Variants in DOK5 observed in about 807,000 individuals in gnomAD.
DOK5 encodes docking protein 5.
A neutral mutation model predicts 43.3 loss-of-function variants in DOK5; 27 were observed. That is an observed-to-expected ratio of 0.62 (90% CI 0.46 to 0.86). DOK5 has a LOEUF of 0.86. Ranked by LOEUF, DOK5 falls within the 40% of genes least tolerant of loss-of-function variation. The pLI, the probability that DOK5 is intolerant of heterozygous loss-of-function variation, is 0.00. For missense variants in DOK5, 373 were observed against 392.9 expected, an observed-to-expected ratio of 0.95 and a Z score of 0.43; for synonymous variants, 146 against 140.1, an observed-to-expected ratio of 1.04 and a Z score of -0.30.
chr20:54,575,704 G>C (rs1416798573), intron 2 of DOK5, among the ~76,000 whole-genome samples: 1 of 152,218 alleles, frequency 6.6e-6, no homozygotes, highest in Non-Finnish European at 1.5e-5. Flanking sequence ...GCCTCCCAAG[G>C]TGCTGGGATT....
intron 1 of DOK5, among the ~76,000 whole-genome samples, chr20:54,540,801 G>A (rs1452836496): frequency 6.6e-6 from 1 of 152,120 alleles, no homozygotes; most frequent in African/African-American, 2.4e-5. Flanking sequence ...TGGAATTACA[G>A]ATGTGAGCCA....
At position 54,524,201 on chromosome 20, in the gene DOK5, A is replaced by G. The variant is rs140314754; in HGVS notation, c.67-30732A>G. Among the ~76,000 whole-genome samples, 6 of 152,092 alleles carry G rather than the reference A, an allele frequency of 3.9e-5. No homozygotes were observed. The South Asian group carries it at 6.2e-4, about 16-fold the overall frequency. On this transcript the variant is annotated intron_variant, in intron 1 of 7. Transcript: ENST00000262593. ...AAAGATTGTGCTGGGGAAGTCTGGGATTGGAGAAACAGAAGGGTGTTAATG... is the reference window on the plus strand; with the variant it reads ...AAAGATTGTGCTGGGGAAGTCTGGGGTTGGAGAAACAGAAGGGTGTTAATG...
intron 6 of DOK5, among the ~76,000 whole-genome samples, chr20:54,633,162 T>C (rs537839373): frequency 6.6e-6 from 1 of 152,338 alleles, no homozygotes; most frequent in Admixed American, 6.5e-5. Context: ...GGAATCTGCA[T>C]TTGAACAAAC....
chr20:54,598,372 G>A (rs1319148860), intron 5 of DOK5, among the ~76,000 whole-genome samples: 6 of 152,086 alleles, frequency 3.9e-5, no homozygotes, highest in East Asian at 1.9e-4. Flanking sequence ...GAAACCTCAC[G>A]GCACATCAGA....
intron 2 of DOK5, among the ~76,000 whole-genome samples, chr20:54,584,665 T>G (rs1016626162): frequency 1.3e-5 from 2 of 150,086 alleles, no homozygotes; most frequent in Non-Finnish European, 3.0e-5. Flanking sequence ...TATACTATAA[T>G]ATATATTTGT....
At chr20:54,598,961 T>C (rs1036888029) in intron 5 of DOK5, among the ~76,000 whole-genome samples, 1 of 152,234 alleles carries the variant, frequency 6.6e-6, no homozygotes, top group Non-Finnish European at 1.5e-5. Context: ...ACTCCTTTAA[T>C]TGGTGAGTTT....
intron 6 of DOK5, among the ~76,000 whole-genome samples, chr20:54,631,527 C>T (rs1423737506): frequency 1.3e-5 from 2 of 151,982 alleles, no homozygotes; most frequent in African/African-American, 4.8e-5. Context: ...AGAAAATATA[C>T]CAATATGTCA....
intron 1 of DOK5, among the ~76,000 whole-genome samples, chr20:54,527,756 A>G (rs1438604475): frequency 6.6e-6 from 1 of 152,192 alleles, no homozygotes; most frequent in East Asian, 1.9e-4. Flanking sequence ...AGGTTGGTGT[A>G]TCCTTGCAGT....
At chr20:54,488,589 T>C (rs1317817512) in intron 1 of DOK5, among the ~76,000 whole-genome samples, 2 of 152,182 alleles carry the variant, frequency 1.3e-5, no homozygotes. Context: ...ATGAACAAGA[T>C]AGCCAAGTCC....
chr20:54,595,003 A>T (rs1377240833), intron 5 of DOK5, among the ~76,000 whole-genome samples: 1 of 152,096 alleles, frequency 6.6e-6, no homozygotes, highest in Non-Finnish European at 1.5e-5. Flanking sequence ...TGTGTATGAG[A>T]TGTGTGTATA....
chr20:54,522,497 G>GTTTTCT (rs2011137901), intron 1 of DOK5, among the ~76,000 whole-genome samples: 2 of 151,178 alleles, frequency 1.3e-5, no homozygotes, highest in Non-Finnish European at 3.0e-5. Context: ...AAACAAAGTT[G>GTTTTCT]TTTTCTTTTT....
intron 1 of DOK5, among the ~76,000 whole-genome samples, chr20:54,493,084 G>T (rs1354627115): frequency 1.4e-5 from 2 of 144,122 alleles, no homozygotes; most frequent in South Asian, 2.1e-4. Context: ...AAAAAAAAGG[G>T]ATGTGTTTGT....
At chr20:54,545,787 A>G (rs1001490893) in intron 1 of DOK5, among the ~76,000 whole-genome samples, 14 of 151,688 alleles carry the variant, frequency 9.2e-5, no homozygotes, top group Non-Finnish European at 1.8e-4. Context: ...TTTCAGAAAA[A>G]CTCCCTTCAA....
intron 6 of DOK5, among the ~76,000 whole-genome samples, chr20:54,622,514 G>A (rs1022564560): frequency 3.3e-5 from 5 of 152,206 alleles, no homozygotes; most frequent in African/African-American, 9.6e-5. Context: ...GGAGCTGGGA[G>A]CTCCTGTCAC....
At chr20:54,478,205 A>G (rs1439184755) in intron 1 of DOK5, among the ~76,000 whole-genome samples, 1 of 152,208 alleles carries the variant, frequency 6.6e-6, no homozygotes, top group African/African-American at 2.4e-5. Context: ...TTCTTATGGT[A>G]TGATTTACAA....
chr20:54,542,794 A>AT lies in DOK5; in HGVS notation c.67-12134dup, dbSNP rs1275574556. On this transcript the variant is annotated intron_variant, in intron 1 of 7. Transcript: ENST00000262593. ...CTTATTAAGACGTTGATTTTTATTG[A>AT]TTTTTGCCCTAAAGGCATCAGGCAG... Among the ~76,000 whole-genome samples, 9 of 152,318 alleles carry AT rather than the reference A, an allele frequency of 5.9e-5. No homozygotes were observed. In the East Asian group the frequency reaches 1.7e-3, roughly 29 times the overall value.
At chr20:54,561,800 G>A (rs752717632) in intron 2 of DOK5, among the ~76,000 whole-genome samples, 20 of 152,160 alleles carry the variant, frequency 1.3e-4, no homozygotes, top group Non-Finnish European at 1.6e-4. Flanking sequence ...GGGATTATAG[G>A]CATGCGCCAC....
At chr20:54,540,355 T>C (rs1984110109) in intron 1 of DOK5, among the ~76,000 whole-genome samples, 1 of 152,094 alleles carries the variant, frequency 6.6e-6, no homozygotes, top group South Asian at 2.1e-4. Context: ...ACAGTGTCTG[T>C]CTTGTAATTG....
chr20:54,495,957 A>C (rs1982375088), intron 1 of DOK5, among the ~76,000 whole-genome samples: 1 of 152,232 alleles, frequency 6.6e-6, no homozygotes, highest in African/African-American at 2.4e-5. Flanking sequence ...ACAATTTTAC[A>C]CATAGGACTG....
Sources: gnomAD v4.1 joint callset for allele counts (sites outside exome capture counted in the v4.1 genomes callset) on GRCh38, gnomAD v4.1.1 for gene constraint, MANE v1.5 for transcripts, NCBI Gene and HGNC (gene_info 2026-07-23, HGNC 2026-07-21) for gene names.